The following TNNI3K variants were observed in gnomAD, a reference collection of about 807,000 sequenced individuals.
TNNI3K encodes the protein TNNI3 interacting kinase, also known as serine/threonine-protein kinase TNNI3K.
TNNI3K carries 140 observed loss-of-function variants against 114.5 expected under a neutral mutation model. The observed-to-expected ratio is 1.22, with a 90% CI of 1.07 to 1.41. The LOEUF (loss-of-function observed/expected upper bound fraction) is 1.41, where lower values mean the gene tolerates loss of function less well. Among genes scored for constraint, TNNI3K ranks in the 40% most tolerant of loss-of-function variants. The pLI is 0.00. For missense variants in TNNI3K, 1,125 were observed against 1,007.6 expected (o/e 1.12, Z -1.58); for synonymous variants, 347 against 347.5 (o/e 1.00, Z 0.02).
At chr1:74,270,167 G>A (rs1656254001) in intron 4 of TNNI3K, among the ~76,000 whole-genome samples, 3 of 151,766 alleles carry the variant, frequency 2.0e-5, no homozygotes, top group Admixed American at 2.0e-4. Flanking sequence ...ATCTGCCTTA[G>A]TGAGGAGTAG....
chr1:74,495,456 T>C (rs1180453628), intron 23 of TNNI3K, among the ~76,000 whole-genome samples: 1 of 152,166 alleles, frequency 6.6e-6, no homozygotes, highest in East Asian at 1.9e-4. Flanking sequence ...AAAAATTGGA[T>C]AAATTGGCTC....
intron 17 of TNNI3K, among the ~76,000 whole-genome samples, chr1:74,426,928 A>G (rs564604091): frequency 6.6e-6 from 1 of 152,110 alleles, no homozygotes; most frequent in Non-Finnish European, 1.5e-5. Context: ...AGTAAGTAAT[A>G]TAGGAAAAAG....
chr1:74,355,150 AC>A (rs1238007267), intron 11 of TNNI3K, among the ~76,000 whole-genome samples: 1 of 152,238 alleles, frequency 6.6e-6, no homozygotes, highest in East Asian at 1.9e-4. Context: ...TGTTATTTTA[AC>A]TTTTGATGAC....
At chr1:74,240,381 T>C (rs1175311398) in intron 2 of TNNI3K, 1 of 152,686 alleles carries the variant, frequency 6.5e-6, no homozygotes, top group East Asian at 1.9e-4. Flanking sequence ...TTATTGTTTA[T>C]GTTAACAACC....
chr1:74,370,286 A>G lies in TNNI3K; in HGVS notation c.1668-2A>G, dbSNP rs1220101631. On this transcript the variant is annotated splice_acceptor_variant, in intron 16 of 24. Coordinates refer to ENST00000326637, the MANE Select transcript of TNNI3K (RefSeq NM_015978.3). LOFTEE classifies it high-confidence loss of function. ...TCTGTTAAATCTATTTTTAAATTCT[A>G]GGATTCTTGATTTGCAGTCTAAATT... 6.3e-7 allele frequency: 1 copy of G among 1,585,898 alleles called. No individual in the cohort carries two copies.
intron 9 of TNNI3K, among the ~76,000 whole-genome samples, chr1:74,349,586 G>A (rs2100463899): frequency 6.6e-6 from 1 of 152,264 alleles, no homozygotes; most frequent in East Asian, 1.9e-4. Context: ...ATTCGGCTGT[G>A]AATCCATCTG....
chr1:74,354,395 C>A (rs1661548545), intron 11 of TNNI3K, among the ~76,000 whole-genome samples: 1 of 150,392 alleles, frequency 6.6e-6, no homozygotes, highest in Non-Finnish European at 1.5e-5. Context: ...ACCAGAGAAA[C>A]AAAATTGTGA....
At chr1:74,426,303 G>A (rs998658144) in intron 17 of TNNI3K, among the ~76,000 whole-genome samples, 2 of 152,060 alleles carry the variant, frequency 1.3e-5, no homozygotes, top group African/African-American at 4.8e-5. Flanking sequence ...CCTTCTGAGA[G>A]GTTAAAAGAA....
intron 5 of TNNI3K, among the ~76,000 whole-genome samples, chr1:74,326,083 A>C (rs1019640043): frequency 6.6e-6 from 1 of 152,188 alleles, no homozygotes; most frequent in Non-Finnish European, 1.5e-5. Flanking sequence ...AAACATTGGT[A>C]TAAGCATGAA....
chr1:74,432,822 G>C (rs1005651957), intron 17 of TNNI3K, among the ~76,000 whole-genome samples: 5 of 151,980 alleles, frequency 3.3e-5, no homozygotes, highest in African/African-American at 7.2e-5. Flanking sequence ...ATCGTCCTTT[G>C]GGTATGGTTG....
chr1:74,350,725 C>T (rs1661291426), intron 9 of TNNI3K, among the ~76,000 whole-genome samples: 1 of 151,962 alleles, frequency 6.6e-6, no homozygotes, highest in Non-Finnish European at 1.5e-5. Context: ...ATGTAATGGC[C>T]TTCTTTGTCT....
At chr1:74,371,949 G>A (rs2100527178) in intron 17 of TNNI3K, 1 of 151,722 alleles carries the variant, frequency 6.6e-6, no homozygotes, top group African/African-American at 2.4e-5. Context: ...CAGTGGATAT[G>A]AAAGGAAGAG....
intron 23 of TNNI3K, among the ~76,000 whole-genome samples, chr1:74,523,035 A>T (rs1646455140): frequency 6.6e-6 from 1 of 152,196 alleles, no homozygotes; most frequent in Non-Finnish European, 1.5e-5. Flanking sequence ...TCTGTAATAC[A>T]GCCATGTTGT....
At chr1:74,493,117 A>G (rs527379965) in intron 23 of TNNI3K, among the ~76,000 whole-genome samples, 1 of 152,188 alleles carries the variant, frequency 6.6e-6, no homozygotes, top group Non-Finnish European at 1.5e-5. Context: ...GGGTTTCAAC[A>G]TATGAATTTG....
rs45587138 is a variant in TNNI3K at position 74,333,994 on chromosome 1, A to T, written c.544-2017A>T. ...GATCTGCCCATTAGCCAACAAAGAG[A>T]TAAAATGCACATGCTCCAAGTTGGG... On this transcript the variant is annotated intron_variant, in intron 6 of 24. Coordinates refer to ENST00000326637, the MANE Select transcript of TNNI3K (RefSeq NM_015978.3). Among the ~76,000 whole-genome samples the T allele has an allele frequency of 3.0e-3, 458 of 152,332 alleles. 5 individuals are homozygous for T. The highest frequency in any genetic ancestry group is 0.011 in the African/African-American group (441 of 41,570).
chr1:74,250,693 C>G lies in TNNI3K; in HGVS notation c.257C>G (p.Thr86Ser). The G allele has an allele frequency of 1.9e-6, 3 of 1,610,602 alleles. No individual in the cohort carries two copies. Among genetic ancestry groups the G allele is most frequent in the Non-Finnish European group, 2.5e-6 (3 of 1,179,032 alleles). ...TAAGGCAAGAAATCACATATTCGAA[C>G]TCTTATGTTGAAAGGGCTCCGCCCA... Reference protein sequence around the residue: ...ICGGKKSHIRTLMLKGLRPSR... With the variant: ...ICGGKKSHIRSLMLKGLRPSR... Residue 86 changes from threonine (T) to serine (S), a missense_variant, in exon 4 of 25, where the codon ACT (threonine) becomes AGT (serine). Transcript: ENST00000326637.
At chr1:74,375,437 A>C (rs1370144442) in intron 17 of TNNI3K, 5 of 385,820 alleles carry the variant, frequency 1.3e-5, no homozygotes, top group Non-Finnish European at 2.7e-5. Flanking sequence ...CAAATTAGCC[A>C]CAAGATTAGA....
chr1:74,338,675 A>G (rs1660601692), intron 7 of TNNI3K, among the ~76,000 whole-genome samples: 1 of 152,164 alleles, frequency 6.6e-6, no homozygotes, highest in Non-Finnish European at 1.5e-5. Flanking sequence ...AATGTTTTTT[A>G]TCTACCCATA....
At chr1:74,378,076 A>G (rs1445521735) in intron 17 of TNNI3K, among the ~76,000 whole-genome samples, 1 of 152,134 alleles carries the variant, frequency 6.6e-6, no homozygotes, top group Admixed American at 6.6e-5. Flanking sequence ...AATAATCACT[A>G]TCATTTGGAG....
Sources: allele counts gnomAD v4.1 joint callset (sites outside exome capture counted in the v4.1 genomes callset), GRCh38; gene constraint gnomAD v4.1.1; transcripts MANE v1.5; gene names NCBI Gene and HGNC (gene_info 2026-07-23, HGNC 2026-07-21).